The following MAP4 variants were observed in gnomAD, a reference collection of about 807,000 sequenced individuals.
The protein encoded by MAP4 is microtubule associated protein 4.
MAP4 carries 76 observed loss-of-function variants against 170.2 expected under a neutral mutation model. The observed-to-expected ratio is 0.45, with a 90% CI of 0.37 to 0.54. The LOEUF (loss-of-function observed/expected upper bound fraction) is 0.54. Ranked by LOEUF, MAP4 falls within the 20% of genes least tolerant of loss-of-function variation. The pLI, the probability that MAP4 is intolerant of heterozygous loss-of-function variation, is 0.00. For synonymous variants in MAP4, 909 were observed against 994.5 expected (o/e 0.91, Z 1.62); for missense variants, 2,506 against 2,748.0 (o/e 0.91, Z 1.97).
At chr3:48,048,225 T>C (rs1415706435) in intron 1 of MAP4, among the ~76,000 whole-genome samples, 1 of 152,224 alleles carries the variant, frequency 6.6e-6, no homozygotes, top group Non-Finnish European at 1.5e-5. Flanking sequence ...CTCCTCCTGA[T>C]GCTGTAACCT....
intron 8 of MAP4, among the ~76,000 whole-genome samples, chr3:47,913,488 T>A (rs754994862): frequency 1.3e-5 from 2 of 152,220 alleles, no homozygotes; most frequent in African/African-American, 4.8e-5. Flanking sequence ...TTCAGTGCCA[T>A]CTTTTATACT....
intron 3 of MAP4, among the ~76,000 whole-genome samples, chr3:47,942,534 T>C (rs1345861872): frequency 6.6e-6 from 1 of 152,170 alleles, no homozygotes; most frequent in Non-Finnish European, 1.5e-5. Flanking sequence ...TAGCAGGGAC[T>C]ACAGGTACAT....
chr3:47,863,921 G>GGTGTGTGTGTGTGTGTGTGTGT (rs747894391), intron 17 of MAP4, among the ~76,000 whole-genome samples: 3 of 110,792 alleles, frequency 2.7e-5, no homozygotes, highest in African/African-American at 1.4e-4. Flanking sequence ...TGTGGGTGTG[G>GGTGTGTGTGTGTGTGTGTGTGT]GTGTGTGTGT....
intron 1 of MAP4, among the ~76,000 whole-genome samples, chr3:48,048,411 C>A (rs2100125689): frequency 6.6e-6 from 1 of 151,026 alleles, no homozygotes; most frequent in Non-Finnish European, 1.5e-5. Flanking sequence ...ATTTAAGAAC[C>A]AAGTAAAGGC....
At position 48,075,922 on chromosome 3, in the gene MAP4, C is replaced by T. The variant is rs536470496; in HGVS notation, c.-20+12851G>A. Among the ~76,000 whole-genome samples, 514 of 148,982 alleles carry T rather than the reference C, an allele frequency of 3.5e-3. 7 individuals carry two copies. Among genetic ancestry groups the T allele is most frequent in the Non-Finnish European group, 6.4e-4 (43 of 67,376 alleles). ...CCCGGGAGGTGGAGGCTGCAGTGAG[C>T]CGAGATCACGTCATTGCACTTCAGC... On this transcript the variant is annotated intron_variant, in intron 1 of 18. Coordinates refer to the MAP4 transcript ENST00000360240.
chr3:47,945,914 G>A (rs753954177), intron 3 of MAP4, among the ~76,000 whole-genome samples: 2 of 151,152 alleles, frequency 1.3e-5, no homozygotes, highest in Non-Finnish European at 3.0e-5. Flanking sequence ...GGGCTTCGCC[G>A]TGTTGCCAAG....
chr3:48,045,465 C>G (rs983955630), intron 1 of MAP4, among the ~76,000 whole-genome samples: 3 of 151,936 alleles, frequency 2.0e-5, no homozygotes, highest in Non-Finnish European at 4.4e-5. Flanking sequence ...ACTGTGCATG[C>G]GAGGGCTCTA....
chr3:47,945,095 G>A (rs1291365269), intron 3 of MAP4, among the ~76,000 whole-genome samples: 1 of 151,818 alleles, frequency 6.6e-6, no homozygotes, highest in Non-Finnish European at 1.5e-5. Context: ...GCTCACACCT[G>A]TAATCCTAGC....
chr3:47,863,437 C>T (rs2071958390), intron 17 of MAP4, among the ~76,000 whole-genome samples: 1 of 152,130 alleles, frequency 6.6e-6, no homozygotes, highest in African/African-American at 2.4e-5. Flanking sequence ...TATGCTCCAG[C>T]CTCAGGGAAC....
rs1176173226 is a variant in MAP4, at chr3:47,852,075, C to T, written c.*859G>A. The T allele has an allele frequency of 6.5e-6, 1 of 152,794 alleles. No individual in the cohort carries two copies. The highest frequency in any genetic ancestry group is 2.1e-4 in the South Asian group (1 of 4,842). The allele number at this position is 152,794 out of a possible 1,614,324, so 9.5% of individuals were successfully genotyped here. ...GCCTGACCGGCTCACCAGCCACAGC[C>T]TCTGCACCCCTCTTCCCTGCCGCAC... On this transcript the variant is annotated 3_prime_UTR_variant, in exon 21 of 21. Coordinates refer to ENST00000683076, the MANE Select transcript of MAP4 (RefSeq NM_001385682.1).
chr3:47,858,972 CAA>C (rs562665371), intron 17 of MAP4, among the ~76,000 whole-genome samples: 3 of 151,678 alleles, frequency 2.0e-5, no homozygotes, highest in East Asian at 1.9e-4. Context: ...ACTAAAAATA[CAA>C]AAAAAATTAG....
At chr3:48,005,955 C>T (rs1435362227) in intron 1 of MAP4, among the ~76,000 whole-genome samples, 2 of 152,150 alleles carry the variant, frequency 1.3e-5, no homozygotes, top group Non-Finnish European at 2.9e-5. Flanking sequence ...GCGTAGCTAC[C>T]GTAATGGACA....
At chr3:47,913,900 A>C (rs1402355914) in intron 8 of MAP4, among the ~76,000 whole-genome samples, 1 of 152,208 alleles carries the variant, frequency 6.6e-6, no homozygotes, top group Non-Finnish European at 1.5e-5. Flanking sequence ...AAAAACAGGT[A>C]ATCTTCAAAT....
chr3:47,921,441 C>T (rs2100042822), intron 5 of MAP4, among the ~76,000 whole-genome samples: 2 of 152,112 alleles, frequency 1.3e-5, no homozygotes, highest in South Asian at 2.1e-4. Flanking sequence ...TACTAACTAG[C>T]TTTTACCTAC....
chr3:47,917,585 C>CAAA (rs397877787), intron 6 of MAP4, among the ~76,000 whole-genome samples: 12 of 92,586 alleles, frequency 1.3e-4, no homozygotes, highest in East Asian at 7.0e-4. Flanking sequence ...GAGTCCGTCT[C>CAAA]AAAAAAAAAA....
At chr3:47,974,678 A>T in intron 3 of MAP4, 1 of 961,408 alleles carries the variant, frequency 1.0e-6, no homozygotes, top group Non-Finnish European at 1.2e-6. Context: ...AACTGGTTCT[A>T]GATTTAAGCA....
At chr3:47,982,075 A>T (rs2154294781) in intron 2 of MAP4, among the ~76,000 whole-genome samples, 1 of 152,308 alleles carries the variant, frequency 6.6e-6, no homozygotes, top group East Asian at 1.9e-4. Flanking sequence ...ACTTGAGGCC[A>T]GGAATTCGAG....
Position 47,910,311 on chromosome 3 carries a change from C to T in MAP4, c.4110G>A (p.Lys1370=). The part of the protein sequence containing the change: ...SKRSNDGKSK[K]VKNSSPEKHI... ...GCTTCTCAGGAGAACTATTTTTAACCTTTTTACTTTTTCCATCATTACTCC... is the reference window on the plus strand; with the variant it reads ...GCTTCTCAGGAGAACTATTTTTAACTTTTTTACTTTTTCCATCATTACTCC... The change falls in exon 9 of 21, where the codon AAG becomes AAA. Residue 1370 remains lysine, a synonymous_variant. Transcript: ENST00000683076. 1 of 1,567,306 alleles carries T rather than the reference C, an allele frequency of 6.4e-7. No homozygotes were observed. Among genetic ancestry groups the T allele is most frequent in the South Asian group, 1.1e-5 (1 of 87,324 alleles).
At chr3:47,979,592 G>C (rs1230903223) in intron 2 of MAP4, among the ~76,000 whole-genome samples, 1 of 151,972 alleles carries the variant, frequency 6.6e-6, no homozygotes, top group African/African-American at 2.4e-5. Flanking sequence ...AAGTAGCTGG[G>C]ACTACAGGCA....
Sources: gnomAD v4.1 joint callset for allele counts (sites outside exome capture counted in the v4.1 genomes callset) on GRCh38, gnomAD v4.1.1 for gene constraint, MANE v1.5 for transcripts, NCBI Gene and HGNC (gene_info 2026-07-23, HGNC 2026-07-21) for gene names.